GFRA1: variants seen among roughly 807,000 people sequenced by gnomAD.
GFRA1 encodes the protein GDNF family receptor alpha-1.
Under a neutral mutation model 51.6 loss-of-function variants are expected in GFRA1, and 16 were observed. That is an observed-to-expected ratio of 0.31 (90% confidence interval 0.21 to 0.47). The LOEUF (loss-of-function observed/expected upper bound fraction) is 0.47. GFRA1 is among the 20% of genes least tolerant of loss of function. The probability of loss-of-function intolerance (pLI) is 1.00; values close to 1 mark genes in which losing one functional copy is unlikely to be tolerated. For missense variants in GFRA1, 530 were observed against 594.3 expected, an observed-to-expected ratio of 0.89 and a Z score of 1.13; for synonymous variants, 270 against 241.3, an observed-to-expected ratio of 1.12 and a Z score of -1.10.
chr10:116,121,273 A>C (rs1957630176), intron 6 of GFRA1, among the ~76,000 whole-genome samples: 1 of 152,116 alleles, frequency 6.6e-6, no homozygotes, highest in South Asian at 2.1e-4. Context: ...ACCAGAGGAA[A>C]CCTGGCAGGG....
At chr10:116,137,791 C>CTGGG (rs1958394769) in intron 5 of GFRA1, among the ~76,000 whole-genome samples, 1 of 152,038 alleles carries the variant, frequency 6.6e-6, no homozygotes. Context: ...TATGTGAATT[C>CTGGG]TGGGCTCTGT....
intron 6 of GFRA1, among the ~76,000 whole-genome samples, chr10:116,121,955 C>T (rs140445844): frequency 3.4e-4 from 51 of 152,238 alleles, no homozygotes; most frequent in Non-Finnish European, 4.4e-4. Context: ...CTGATGGAAG[C>T]AAACACTGCT....
At chr10:116,187,394 T>C (rs1962827325) in intron 5 of GFRA1, among the ~76,000 whole-genome samples, 1 of 152,166 alleles carries the variant, frequency 6.6e-6, no homozygotes, top group African/African-American at 2.4e-5. Flanking sequence ...ATACAGTAAG[T>C]TGGACGAAGT....
chr10:116,096,665 C>T lies in GFRA1; in HGVS notation c.870G>A (p.Ser290=), dbSNP rs144078324. The T allele has an allele frequency of 1.5e-5, 24 of 1,581,462 alleles. No individual in the cohort carries two copies. Among genetic ancestry groups the T allele is most frequent in the African/African-American group, 4.0e-5 (3 of 74,264 alleles). Residue 290 remains serine (S), a synonymous_variant, in exon 7 of 11, where the codon TCG becomes TCA. Transcript: ENST00000355422. ...TCTCTCGGATCTTACCAATAAGCCC[C>T]GAGTAGGCGAGGAGGCAGTCAGCGT... is the stretch of plus-strand genomic sequence containing the variant. ...ENYADCLLAY[S]GLIGTVMTPN... is the part of the protein sequence containing the mutation.
intron 3 of GFRA1, among the ~76,000 whole-genome samples, chr10:116,270,077 T>C (rs924701421): frequency 6.6e-6 from 1 of 152,178 alleles, no homozygotes; most frequent in African/African-American, 2.4e-5. Flanking sequence ...GTCAAATCTG[T>C]ATAATACAAA....
chr10:116,179,069 A>G (rs1961949992), intron 5 of GFRA1, among the ~76,000 whole-genome samples: 1 of 152,216 alleles, frequency 6.6e-6, no homozygotes, highest in South Asian at 2.1e-4. Flanking sequence ...CAGCAGAAGC[A>G]GAGGCTGGCC....
intron 4 of GFRA1, among the ~76,000 whole-genome samples, chr10:116,247,645 G>A (rs75974886): frequency 0.012 from 1,887 of 152,234 alleles, 45 homozygotes; most frequent in African/African-American, 0.043. Flanking sequence ...CCATCTCAAA[G>A]CCTCTTTCTG....
intron 5 of GFRA1, among the ~76,000 whole-genome samples, chr10:116,198,906 G>T (rs1964110379): frequency 6.6e-6 from 1 of 152,178 alleles, no homozygotes; most frequent in South Asian, 2.1e-4. Flanking sequence ...ATGGATTAGG[G>T]TAAGCCCTAA....
chr10:116,135,584 G>A (rs529958836), intron 5 of GFRA1, among the ~76,000 whole-genome samples: 13 of 152,064 alleles, frequency 8.5e-5, no homozygotes, highest in East Asian at 3.9e-4. Flanking sequence ...GACTTCTATC[G>A]CCATCTTTTA....
intron 4 of GFRA1, among the ~76,000 whole-genome samples, chr10:116,223,388 A>G (rs997433456): frequency 6.6e-6 from 1 of 152,250 alleles, no homozygotes; most frequent in Admixed American, 6.5e-5. Context: ...AAGTAATTAA[A>G]TGTGAACTAC....
At chr10:116,178,064 A>T (rs1425071144) in intron 5 of GFRA1, among the ~76,000 whole-genome samples, 12 of 152,248 alleles carry the variant, frequency 7.9e-5, no homozygotes. Context: ...CAGTTGACAT[A>T]TAAAATTAGA....
intron 5 of GFRA1, among the ~76,000 whole-genome samples, chr10:116,167,090 T>A (rs932745260): frequency 6.6e-6 from 1 of 152,038 alleles, no homozygotes; most frequent in Non-Finnish European, 1.5e-5. Context: ...TGAGCCACCG[T>A]GCCCGGCCCA....
chr10:116,117,523 A>AGATG (rs1274817286), intron 6 of GFRA1, among the ~76,000 whole-genome samples: 21 of 35,832 alleles, frequency 5.9e-4, no homozygotes, highest in East Asian at 2.0e-3. Flanking sequence ...AGTGCAGGCC[A>AGATG]GATGGATGGA....
intron 4 of GFRA1, among the ~76,000 whole-genome samples, chr10:116,242,406 A>AT (rs1265670530): frequency 1.3e-5 from 2 of 152,222 alleles, no homozygotes; most frequent in Non-Finnish European, 2.9e-5. Flanking sequence ...TTTGTTCCCA[A>AT]AAAGCTAAAC....
In GFRA1 at chr10:116,104,616, G is replaced by C. The variant is rs184080658; in HGVS notation, c.771-7852C>G. 3.4e-3 allele frequency among the ~76,000 whole-genome samples: 516 copies of C among 152,308 alleles called. 5 individuals carry two copies. The highest frequency in any genetic ancestry group is 0.012 in the African/African-American group (492 of 41,564). On this transcript the variant is annotated intron_variant, in intron 6 of 10. Transcript: ENST00000355422. The stretch of plus-strand genomic sequence containing the variant: ...CAAAAGCAGGCTGCAGGGCACAGAG[G>C]TGATGCTTCCTTAGCCTTTCTGATT...
chr10:116,222,013 C>T (rs933596896), intron 4 of GFRA1, among the ~76,000 whole-genome samples: 1 of 151,958 alleles, frequency 6.6e-6, no homozygotes, highest in Non-Finnish European at 1.5e-5. Context: ...CAATACAATA[C>T]AAGGAAATAT....
intron 4 of GFRA1, among the ~76,000 whole-genome samples, chr10:116,261,999 T>C (rs1470342666): frequency 1.3e-5 from 2 of 152,204 alleles, no homozygotes; most frequent in African/African-American, 4.8e-5. Context: ...AAGCCCCAAT[T>C]TGATACCTCC....
chr10:116,223,150 T>C (rs574644917), intron 4 of GFRA1, among the ~76,000 whole-genome samples: 1 of 152,212 alleles, frequency 6.6e-6, no homozygotes, highest in South Asian at 2.1e-4. Context: ...CAGCAAAATA[T>C]CACAGCCCAC....
At position 116,058,943 on chromosome 10, in the gene GFRA1, T is replaced by C. The variant is rs1287665594; in HGVS notation, c.*5455A>G. 3 of 152,200 alleles carry C rather than the reference T, an allele frequency of 2.0e-5. No individual in the cohort carries two copies. Among genetic ancestry groups the C allele is most frequent in the African/African-American group, 7.2e-5 (3 of 41,456 alleles). The allele number at this position is 152,200 out of a possible 1,614,324, so 9.4% of individuals were successfully genotyped here. ...ATTTCCCACAAAGTCTACCCCCGTT[T>C]TGGGCTCTGTCCTTCCTGGCGGATG... On this transcript the variant is annotated 3_prime_UTR_variant, in exon 11 of 11. Coordinates refer to ENST00000355422, the MANE Select transcript of GFRA1 (RefSeq NM_005264.8).
Sources: gnomAD v4.1 joint callset for allele counts (sites outside exome capture counted in the v4.1 genomes callset) on GRCh38, gnomAD v4.1.1 for gene constraint, MANE v1.5 for transcripts, NCBI Gene and HGNC (gene_info 2026-07-23, HGNC 2026-07-21) for gene names.